Variants in ZNF93 observed in about 807,000 individuals in gnomAD.
ZNF93 encodes zinc finger protein 93, also known as zinc finger protein 505.
ZNF93 carries 29 observed loss-of-function variants against 45.0 expected under a neutral mutation model. That is an observed-to-expected ratio of 0.64 (90% CI 0.48 to 0.88). The LOEUF is 0.88. ZNF93 is among the 40% of genes least tolerant of loss of function. The pLI is 0.00. For synonymous variants in ZNF93, 223 were observed against 244.6 expected, an observed-to-expected ratio of 0.91 and a Z score of 0.82; for missense variants, 578 against 724.0, an observed-to-expected ratio of 0.80 and a Z score of 2.31.
intron 3 of ZNF93, among the ~76,000 whole-genome samples, chr19:19,918,907 G>C (rs1366641858): frequency 6.6e-6 from 1 of 150,750 alleles, no homozygotes; most frequent in East Asian, 1.9e-4. Flanking sequence ...TAGGTTGCCT[G>C]TTCACTCTGA....
chr19:19,924,752 G>A (rs918948676), intron 3 of ZNF93, among the ~76,000 whole-genome samples: 24 of 151,956 alleles, frequency 1.6e-4, no homozygotes, highest in East Asian at 5.8e-4. Flanking sequence ...CACCACACCC[G>A]GGTGATTTTG....
intron 3 of ZNF93, among the ~76,000 whole-genome samples, chr19:19,928,595 G>A (rs567885497): frequency 6.6e-6 from 1 of 152,164 alleles, no homozygotes; most frequent in South Asian, 2.1e-4. Flanking sequence ...CAGAATTTTA[G>A]CTTATTGTAG....
intron 3 of ZNF93, among the ~76,000 whole-genome samples, chr19:19,929,893 G>C (rs8111403): frequency 0.42 from 58,095 of 136,794 alleles, 16,431 homozygotes; most frequent in African/African-American, 0.81. Context: ...AGCCGAGATC[G>C]CGCCACTGCA....
intron 3 of ZNF93, among the ~76,000 whole-genome samples, chr19:19,924,359 G>A (rs1397930646): frequency 6.6e-6 from 1 of 152,062 alleles, no homozygotes; most frequent in African/African-American, 2.4e-5. Context: ...CCAAAGTGCT[G>A]GGATTACAGC....
chr19:19,930,114 AGT>A lies in ZNF93; in HGVS notation c.227-3064_227-3063del, dbSNP rs544434064. 2.4e-4 allele frequency among the ~76,000 whole-genome samples: 36 copies of A among 152,076 alleles called. No individual in the cohort carries two copies. In the East Asian group the frequency reaches 6.8e-3, roughly 29 times the overall value. On this transcript the variant is annotated intron_variant, in intron 3 of 3. Transcript: ENST00000343769. ...ACAAAGCAAAAGGGGCAGGGTAAAG[AGT>A]GTGAGTCATCTCCAATGATAGGTAA... is the stretch of plus-strand genomic sequence containing the variant.
At chr19:19,914,451 C>T (rs866189578) in intron 1 of ZNF93, among the ~76,000 whole-genome samples, 5 of 152,156 alleles carry the variant, frequency 3.3e-5, no homozygotes, top group Admixed American at 1.3e-4. Context: ...TTATAATTTA[C>T]GTTATTTGGG....
chr19:19,926,830 A>G (rs2063357656), intron 3 of ZNF93, among the ~76,000 whole-genome samples: 1 of 152,174 alleles, frequency 6.6e-6, no homozygotes, highest in African/African-American at 2.4e-5. Flanking sequence ...ATCTATAAAT[A>G]TGACTCCAAT....
intron 1 of ZNF93, among the ~76,000 whole-genome samples, chr19:19,902,695 A>G (rs1209623194): frequency 1.3e-5 from 2 of 151,446 alleles, no homozygotes; most frequent in African/African-American, 4.9e-5. Flanking sequence ...GGGCCCCACA[A>G]GCAGATGCAG....
At chr19:19,933,146 G>A (rs746098189) in intron 3 of ZNF93, 36 bp from the exon 4 acceptor site, 1 of 1,418,122 alleles carries the variant, frequency 7.1e-7, no homozygotes, top group East Asian at 2.3e-5. Context: ...TCTGAGTCTA[G>A]CAATTGAAGT....
chr19:19,920,380 G>A (rs971120834), intron 3 of ZNF93, among the ~76,000 whole-genome samples: 4 of 152,182 alleles, frequency 2.6e-5, no homozygotes, highest in Non-Finnish European at 5.9e-5. Context: ...TTGCATCGAT[G>A]TTCATCAGGG....
At chr19:19,913,722 A>G (rs1188139328) in intron 1 of ZNF93, among the ~76,000 whole-genome samples, 2 of 152,172 alleles carry the variant, frequency 1.3e-5, no homozygotes, top group Non-Finnish European at 2.9e-5. Context: ...TCATGCTAGC[A>G]GGTAAACATG....
rs1289394439 is a variant in ZNF93 at position 19,934,411 on chromosome 19, T to C, written c.1456T>C (p.Cys486Arg). The C allele has an allele frequency of 6.2e-7, 1 of 1,613,524 alleles. No individual in the cohort carries two copies. Among genetic ancestry groups the C allele is most frequent in the African/African-American group, 1.3e-5 (1 of 74,922 alleles). ...AGAGAAACCCTACAAATGTGAAGAA[T>C]GTGGCAAAGCTTTTAACCAGTCCTC... The part of the protein sequence containing the change: ...TGEKPYKCEE[C>R]GKAFNQSSSL... The change falls in exon 4 of 4, where the codon TGT (cysteine) becomes CGT (arginine). Residue 486 changes from cysteine (C) to arginine (R), a missense_variant. By Grantham distance (180) the Cys-to-Arg change is radical. Around this residue, in one of 3 missense-constraint regions of ZNF93, gnomAD observed 13 missense variants for 53.3 expected, o/e 0.24. Coordinates refer to ENST00000343769, the MANE Select transcript of ZNF93 (RefSeq NM_031218.4).
At chr19:19,933,056 A>G in intron 3 of ZNF93, 126 bp from the exon 4 acceptor site, 1 of 753,880 alleles carries the variant, frequency 1.3e-6, no homozygotes, top group South Asian at 4.0e-5. Flanking sequence ...GGAAGACATT[A>G]CAGCTTGTGG....
At chr19:19,911,493 T>C (rs2063307844) in intron 1 of ZNF93, among the ~76,000 whole-genome samples, 1 of 152,196 alleles carries the variant, frequency 6.6e-6, no homozygotes, top group South Asian at 2.1e-4. Flanking sequence ...GGAGAAGATC[T>C]GGAGACCCAG....
chr19:19,933,976 T>C lies in ZNF93; in HGVS notation c.1021T>C (p.Tyr341His). Residue 341 changes from tyrosine to histidine, a missense_variant, in exon 4 of 4, where the codon TAC (tyrosine) becomes CAC (histidine). Transcript: ENST00000343769. The part of the protein sequence containing the change: ...HKRIHTGEKP[Y>H]KCNKCGKAFI... ...GAGAATTCATACTGGAGAGAAACCA[T>C]ACAAGTGTAATAAATGTGGCAAAGC... 1 of 1,612,586 alleles carries C rather than the reference T, an allele frequency of 6.2e-7. No individual in the cohort carries two copies. Among genetic ancestry groups the C allele is most frequent in the South Asian group, 1.1e-5 (1 of 90,958 alleles).
At chr19:19,927,874 A>G (rs1297969247) in intron 3 of ZNF93, among the ~76,000 whole-genome samples, 1 of 152,084 alleles carries the variant, frequency 6.6e-6, no homozygotes, top group Admixed American at 6.5e-5. Flanking sequence ...CAGCCTCCCA[A>G]GTAGCTGGGA....
At chr19:19,912,023 A>G (rs895793173) in intron 1 of ZNF93, among the ~76,000 whole-genome samples, 2 of 152,106 alleles carry the variant, frequency 1.3e-5, no homozygotes. Flanking sequence ...TCTTGAGATT[A>G]CAAGCATGAC....
intron 3 of ZNF93, among the ~76,000 whole-genome samples, chr19:19,921,247 C>T (rs545087366): frequency 7.2e-5 from 11 of 152,002 alleles, no homozygotes; most frequent in South Asian, 2.1e-4. Flanking sequence ...TGTAGTTGAG[C>T]GGTTTTGAGT....
At position 19,933,560 on chromosome 19, in the gene ZNF93, T is replaced by C. The variant is rs143060646; in HGVS notation, c.605T>C (p.Ile202Thr). 430 of 1,604,996 alleles carry C rather than the reference T, an allele frequency of 2.7e-4. 1 individual carries two copies. The African/African-American group carries it at 5.4e-3, about 20-fold the overall frequency. ...ATTCATACTGGAGAGAAACCCTACA[T>C]TTGTGAAGAATGTGGCAAAGCCTTT... ...KKIHTGEKPYICEECGKAFKY... is the reference protein window; with the variant it reads ...KKIHTGEKPYTCEECGKAFKY... The change falls in exon 4 of 4, where the codon ATT becomes ACT. Residue 202 changes from isoleucine (I) to threonine (T), a missense_variant. By Grantham distance (89) the Ile-to-Thr change is moderately conservative. This residue lies in a region of ZNF93 where 446 missense variants were observed against 547.6 expected (regional missense o/e 0.81). Transcript: ENST00000343769.
Sources: allele counts gnomAD v4.1 joint callset (sites outside exome capture counted in the v4.1 genomes callset), GRCh38; gene constraint gnomAD v4.1.1; regional missense constraint gnomAD v4.1.1; transcripts MANE v1.5; gene names NCBI Gene and HGNC (gene_info 2026-07-23, HGNC 2026-07-21).